FAM237A: variants seen among roughly 807,000 people sequenced by gnomAD.
FAM237A encodes protein FAM237A.
FAM237A carries 14 observed loss-of-function variants against 12.5 expected under a neutral mutation model. That is an observed-to-expected ratio of 1.12 (90% CI 0.74 to 1.75). The LOEUF (loss-of-function observed/expected upper bound fraction) is 1.75. FAM237A is among the 40% of genes most tolerant of loss of function. The pLI is 0.00. For missense variants in FAM237A, 240 were observed against 211.7 expected (o/e 1.13, Z -0.83); for synonymous variants, 85 against 77.5 (o/e 1.10, Z -0.51).
At chr2:206,646,130 G>A (rs976149923) in intron 2 of FAM237A, among the ~76,000 whole-genome samples, 1 of 151,970 alleles carries the variant, frequency 6.6e-6, no homozygotes, top group Admixed American at 6.6e-5. Context: ...GTGAAACCCC[G>A]TCTCTACTAA....
chr2:206,642,797 G>T lies in FAM237A; in HGVS notation c.-11+215G>T, dbSNP rs184787340. Among the ~76,000 whole-genome samples, 349 of 152,332 alleles carry T rather than the reference G, an allele frequency of 2.3e-3. 7 individuals carry two copies. Among genetic ancestry groups the T allele is most frequent in the Admixed American group, 0.022 (334 of 15,302 alleles). On this transcript the variant is annotated intron_variant, in intron 1 of 2. Coordinates refer to ENST00000441223, the MANE Select transcript of FAM237A (RefSeq NM_001102659.3). This position sits in a 1 kb window ranked among gnomAD's most constrained non-coding sequence, Gnocchi z 5.1. ...GGGACCTAAAGGAGCCAATTTGAGC[G>T]CCGTGGCGCCAGCAGACAGGGAGTC...
In FAM237A at chr2:206,644,222, T is replaced by C. The variant is rs371403007; in HGVS notation, c.-10-5T>C. The C allele has an allele frequency of 5.7e-6, 9 of 1,568,976 alleles. No individual in the cohort carries two copies. The highest frequency in any genetic ancestry group is 3.6e-5 in the South Asian group (3 of 82,924). On this transcript the variant is annotated splice_polypyrimidine_tract_variant and splice_region_variant and intron_variant, in intron 1 of 2. Transcript: ENST00000441223. ...ACTGATAAGAAATATTTCCATCCTG[T>C]GCAGTTTTAGGGCCATGGCTGATCC...
At chr2:206,645,012 T>C (rs936122173) in intron 2 of FAM237A, among the ~76,000 whole-genome samples, 1 of 152,258 alleles carries the variant, frequency 6.6e-6, no homozygotes, top group Non-Finnish European at 1.5e-5. Flanking sequence ...CATAACCTGA[T>C]GTTTACTTGC....
rs1699291475 is a variant in FAM237A, at chr2:206,644,435, AAC to A, written c.202_203del (p.Thr68CysfsTer15). 6.2e-6 allele frequency: 10 copies of A among 1,613,970 alleles called. No homozygotes were observed. Among genetic ancestry groups the A allele is most frequent in the Non-Finnish European group, 8.5e-6 (10 of 1,179,862 alleles). On this transcript the variant is annotated frameshift_variant, in exon 2 of 3. Coordinates refer to ENST00000441223, the MANE Select transcript of FAM237A (RefSeq NM_001102659.3). LOFTEE classifies it high-confidence loss of function. ...LLEMWKPRVS[N>X]TVSGFWDFMI... ...GGAAATGTGGAAACCTCGCGTTTCC[AAC>A]ACTGTTTCAGGCTTCTGGGATTTTA... is the stretch of plus-strand genomic sequence containing the variant.
Position 206,644,285 on chromosome 2 carries a change from A to T in FAM237A, c.49A>T (p.Thr17Ser). The T allele has an allele frequency of 6.2e-7, 1 of 1,612,744 alleles. No homozygotes were observed. Among genetic ancestry groups the T allele is most frequent in the South Asian group, 1.1e-5 (1 of 90,792 alleles). Residue 17 changes from threonine to serine, a missense_variant, in exon 2 of 3, where the codon ACC (threonine) becomes TCC (serine). Physicochemically the swap from Thr to Ser is moderately conservative, Grantham distance 58 (BLOSUM62 1). Transcript: ENST00000441223. ...RGGIHRPLSFTCSLLIVGMCC... is the reference protein window; with the variant it reads ...RGGIHRPLSFSCSLLIVGMCC... Reference sequence around the variant, plus strand: ...AGGGATCCACCGCCCCTTGAGCTTCACCTGCTCCCTGCTCATTGTGGGAAT... The same window carrying T: ...AGGGATCCACCGCCCCTTGAGCTTCTCCTGCTCCCTGCTCATTGTGGGAAT...
Position 206,643,214 on chromosome 2 carries a change from A to C in FAM237A, c.-11+632A>C, listed in dbSNP as rs76262666. Among the ~76,000 whole-genome samples, 326 of 152,304 alleles carry C rather than the reference A, an allele frequency of 2.1e-3. 4 individuals carry two copies. Among genetic ancestry groups the C allele is most frequent in the African/African-American group, 7.5e-3 (310 of 41,570 alleles). ...TATTTTGCTTGCTTTCATGATACTA[A>C]CATCTAAAAGGTTTGGAAATATAAT... On this transcript the variant is annotated intron_variant, in intron 1 of 2. Coordinates refer to ENST00000441223, the MANE Select transcript of FAM237A (RefSeq NM_001102659.3).
At chr2:206,644,775 C>A (rs1699296698) in intron 2 of FAM237A, 127 bp downstream of exon 2, 1 of 877,250 alleles carries the variant, frequency 1.1e-6, no homozygotes, top group Non-Finnish European at 1.7e-6. Flanking sequence ...AGAGGTGAAC[C>A]CCAAGAGCAC....
chr2:206,648,979 A>G lies in FAM237A; in HGVS notation c.*185A>G, dbSNP rs1699353178. On this transcript the variant is annotated 3_prime_UTR_variant, in exon 3 of 3. Coordinates refer to ENST00000441223, the MANE Select transcript of FAM237A (RefSeq NM_001102659.3). ...ATTTATTTATTTATTTTAGGCTGCT[A>G]GCATGTTTCTTCTAATGGTGACATT... The G allele has an allele frequency of 5.9e-6, 2 of 339,822 alleles. No homozygotes were observed. Among genetic ancestry groups the G allele is most frequent in the Non-Finnish European group, 1.0e-5 (2 of 197,964 alleles). 21.1% of individuals were successfully genotyped at this position (339,822 alleles called of 1,614,324 possible).
In FAM237A at chr2:206,644,511, G is replaced by T. The variant is rs747368553; in HGVS notation, c.275G>T (p.Trp92Leu). 1 of 1,613,858 alleles carries T rather than the reference G, an allele frequency of 6.2e-7. No individual in the cohort carries two copies. The highest frequency in any genetic ancestry group is 8.5e-7 in the Non-Finnish European group (1 of 1,179,900). ...AACTTGAAGCATGGAGCACTGTTTTGGGATCTGGCCCAACTCTTCTGGGAC... is the reference window on the plus strand; with the variant it reads ...AACTTGAAGCATGGAGCACTGTTTTTGGATCTGGCCCAACTCTTCTGGGAC... ...SENLKHGALF[W>L]DLAQLFWDIY... The change falls in exon 2 of 3, where the codon TGG becomes TTG. Residue 92 changes from tryptophan to leucine, a missense_variant. Transcript: ENST00000441223.
chr2:206,643,450 A>G (rs1699278571), intron 1 of FAM237A: 1 of 152,204 alleles, frequency 6.6e-6, no homozygotes, highest in African/African-American at 2.4e-5. Context: ...TCAAAGTGGT[A>G]TGTAGATGAC....
intron 2 of FAM237A, among the ~76,000 whole-genome samples, chr2:206,647,666 C>CACACACAG (rs1303308418): frequency 4.0e-5 from 6 of 148,372 alleles, no homozygotes; most frequent in African/African-American, 1.3e-4. Flanking sequence ...CACACACACA[C>CACACACAG]AGAGAGAGTG....
Position 206,648,669 on chromosome 2 carries a change from T to G in FAM237A, c.421T>G (p.Ser141Ala). 6.3e-7 allele frequency: 1 copy of G among 1,590,158 alleles called. No homozygotes were observed. ...QHTRSKQGTY[S>A]QLLRTSFLKK... ...CGCTTTTCTACTTTCAGGTACATATTCTCAGCTCCTAAGGACCTCCTTCCT... is the reference window on the plus strand; with the variant it reads ...CGCTTTTCTACTTTCAGGTACATATGCTCAGCTCCTAAGGACCTCCTTCCT... The change falls in exon 3 of 3, where the codon TCT becomes GCT. Residue 141 changes from serine to alanine, a missense_variant. By Grantham distance (99) the Ser-to-Ala change is moderately conservative (BLOSUM62 1). Coordinates refer to ENST00000441223, the MANE Select transcript of FAM237A (RefSeq NM_001102659.3).
Position 206,648,743 on chromosome 2 carries a change from G to C in FAM237A, c.495G>C (p.Arg165Ser). Residue 165 changes from arginine to serine, a missense_variant, in exon 3 of 3, where the codon AGG becomes AGC. Arg to Ser is a moderately radical substitution (Grantham distance 110). Transcript: ENST00000441223. ...IEDLISMHVRRSGSSVIGKVN... is the reference protein window; with the variant it reads ...IEDLISMHVRSSGSSVIGKVN... ...ATTTGATAAGCATGCATGTGCGTAG[G>C]AGTGGGTCTAGTGTCATTGGAAAAG... 1 of 1,568,200 alleles carries C rather than the reference G, an allele frequency of 6.4e-7. No homozygotes were observed.
rs1699270876 is a variant in FAM237A, at chr2:206,642,826, G to C, written c.-11+244G>C. ...TGGCGCCAGCAGACAGGGAGTCCCG[G>C]ATAACGCCAACTTCAGTACCTTGGA... On this transcript the variant is annotated intron_variant, in intron 1 of 2. Coordinates refer to ENST00000441223, the MANE Select transcript of FAM237A (RefSeq NM_001102659.3). This position sits in a 1 kb window ranked among gnomAD's most constrained non-coding sequence, Gnocchi z 5.1. Among the ~76,000 whole-genome samples, 1 of 152,244 alleles carries C rather than the reference G, an allele frequency of 6.6e-6. No homozygotes were observed. The highest frequency in any genetic ancestry group is 2.1e-4 in the South Asian group (1 of 4,836).
Position 206,644,542 on chromosome 2 carries a change from T to A in FAM237A, c.306T>A (p.Tyr102Ter). 6.2e-7 allele frequency: 1 copy of A among 1,614,010 alleles called. No individual in the cohort carries two copies. The highest frequency in any genetic ancestry group is 2.2e-5 in the East Asian group (1 of 44,890). Residue 102 changes from tyrosine (Y) to a stop codon, truncating the protein, a stop_gained, in exon 2 of 3, where the codon TAT becomes TAA. Coordinates refer to ENST00000441223, the MANE Select transcript of FAM237A (RefSeq NM_001102659.3). LOFTEE classifies it high-confidence loss of function. ...TGGCCCAACTCTTCTGGGACATCTA[T>A]GTGGACTGTGTGCTCTCTAGGAACC... ...WDLAQLFWDI[Y>*]VDCVLSRNHG...
chr2:206,647,446 T>G (rs1699330504), intron 2 of FAM237A, among the ~76,000 whole-genome samples: 3 of 152,236 alleles, frequency 2.0e-5, no homozygotes, highest in South Asian at 4.1e-4. Context: ...GGGCTAGAGA[T>G]GTCATTATGA....
chr2:206,648,232 C>T (rs1200649276), intron 2 of FAM237A, among the ~76,000 whole-genome samples: 2 of 152,108 alleles, frequency 1.3e-5, no homozygotes, highest in African/African-American at 4.8e-5. Flanking sequence ...AACCTGGAAA[C>T]AATCTAAATG....
intron 2 of FAM237A, among the ~76,000 whole-genome samples, chr2:206,647,981 C>A: frequency 6.6e-6 from 1 of 152,160 alleles, no homozygotes; most frequent in Non-Finnish European, 1.5e-5. Context: ...TGGTGTCTCA[C>A]TAGCTGGCCA....
At position 206,644,247 on chromosome 2, in the gene FAM237A, C is replaced by T; in HGVS notation, c.11C>T (p.Pro4Leu). The change falls in exon 2 of 3, where the codon CCT (proline) becomes CTT (leucine). Residue 4 changes from proline (P) to leucine (L), a missense_variant. Coordinates refer to ENST00000441223, the MANE Select transcript of FAM237A (RefSeq NM_001102659.3). MAD[P>L]GNRGGIHRPL... ...TGCAGTTTTAGGGCCATGGCTGATC[C>T]TGGGAACAGAGGAGGGATCCACCGC... 1 of 1,600,732 alleles carries T rather than the reference C, an allele frequency of 6.2e-7. No individual in the cohort carries two copies. Among genetic ancestry groups the T allele is most frequent in the South Asian group, 1.1e-5 (1 of 88,540 alleles).
Sources: allele counts gnomAD v4.1 joint callset (sites outside exome capture counted in the v4.1 genomes callset), GRCh38; gene constraint gnomAD v4.1.1; non-coding constraint Gnocchi (gnomAD v3.1); transcripts MANE v1.5; gene names NCBI Gene and HGNC (gene_info 2026-07-23, HGNC 2026-07-21).